Variants in FN3K observed in about 807,000 individuals in gnomAD.
FN3K encodes fructosamine-3-kinase.
Under a neutral mutation model 24.8 loss-of-function variants are expected in FN3K, and 24 were observed. The ratio of observed to expected loss-of-function variants is 0.97; its 90% confidence interval spans 0.70 to 1.36. FN3K has a LOEUF of 1.36. FN3K is among the 40% of genes most tolerant of loss of function. FN3K has a pLI of 0.00. For synonymous variants in FN3K, 192 were observed against 175.2 expected (o/e 1.10, Z -0.76); for missense variants, 449 against 416.7 (o/e 1.08, Z -0.67).
Position 82,750,997 on chromosome 17 carries a change from A to T in FN3K, c.*242A>T. ...CCAATCCCCCTGTCCCCGACCCCCC[A>T]TCCCCGTCCCCCATCTCCGTCCCCG... On this transcript the variant is annotated 3_prime_UTR_variant, in exon 6 of 6. Transcript: ENST00000300784. The T allele has an allele frequency of 1.4e-5, 1 of 71,770 alleles. No individual in the cohort carries two copies. The highest frequency in any genetic ancestry group is 3.4e-4 in the East Asian group (1 of 2,966). The allele number at this position is 71,770 out of a possible 1,614,324, so 4.4% of individuals were successfully genotyped here. A position where few individuals can be genotyped will look rare whatever the true frequency, so the allele number is the denominator to read the frequency against.
intron 2 of FN3K, among the ~76,000 whole-genome samples, chr17:82,738,940 ATATATATT>A (rs904788928): frequency 2.0e-5 from 2 of 102,342 alleles, no homozygotes; most frequent in African/African-American, 4.1e-5. Context: ...ATATATATAT[ATATATATT>A]TTTTTTTTTT....
At chr17:82,742,925 G>A (rs186645482) in intron 4 of FN3K, 20 of 320,982 alleles carry the variant, frequency 6.2e-5, no homozygotes, top group Non-Finnish European at 1.2e-4. Flanking sequence ...CCAGCTGGAG[G>A]TCACCTGGGG....
chr17:82,741,938 G>A (rs1249694051), intron 4 of FN3K, among the ~76,000 whole-genome samples: 2 of 151,682 alleles, frequency 1.3e-5, no homozygotes, highest in Admixed American at 6.6e-5. Context: ...ACGGCATTTT[G>A]CCCTTGTTGC....
chr17:82,746,093 CAAA>C (rs373867732), intron 4 of FN3K, among the ~76,000 whole-genome samples: 2 of 117,782 alleles, frequency 1.7e-5, no homozygotes, highest in Admixed American at 9.3e-5. Context: ...GACTCCGTCT[CAAA>C]AAAAAAAAAA....
chr17:82,744,939 T>G (rs2046960367), intron 4 of FN3K: 2 of 152,228 alleles, frequency 1.3e-5, no homozygotes. Context: ...CCTATCTCAG[T>G]AGATGGAAGG....
intron 4 of FN3K, chr17:82,742,880 C>G: frequency 2.8e-6 from 1 of 361,568 alleles, no homozygotes; most frequent in East Asian, 7.8e-5. Flanking sequence ...GAACAATGAC[C>G]AAGCTCTCCC....
intron 4 of FN3K, among the ~76,000 whole-genome samples, chr17:82,747,541 C>G (rs2046975603): frequency 6.6e-6 from 1 of 152,194 alleles, no homozygotes; most frequent in Non-Finnish European, 1.5e-5. Context: ...GCTGGGACTA[C>G]AGGCATGCAC....
Position 82,738,723 on chromosome 17 carries a change from G to C in FN3K, c.293+83G>C, listed in dbSNP as rs998620201. ...ACAAACAGAGAGAGACAGAGAAAGGGATAGAGATGGGGAGGGAGACAGAAA... is the reference window on the plus strand; with the variant it reads ...ACAAACAGAGAGAGACAGAGAAAGGCATAGAGATGGGGAGGGAGACAGAAA... On this transcript the variant is annotated intron_variant, in intron 2 of 5. Transcript: ENST00000300784. 2.1e-5 allele frequency: 33 copies of C among 1,548,994 alleles called. No individual in the cohort carries two copies. The African/African-American group carries it at 2.9e-4, about 13-fold the overall frequency.
At chr17:82,749,567 G>C (rs2459706) in intron 5 of FN3K, 7 of 170,252 alleles carry the variant, frequency 4.1e-5, no homozygotes, top group African/African-American at 1.7e-4. Flanking sequence ...AGGAGGCTGA[G>C]GCAGGAGAAT....
chr17:82,742,196 C>T (rs1011499686), intron 4 of FN3K, among the ~76,000 whole-genome samples: 4 of 151,970 alleles, frequency 2.6e-5, no homozygotes, highest in East Asian at 1.9e-4. Flanking sequence ...CGAGCCACCG[C>T]GCCTGGACTT....
Position 82,750,500 on chromosome 17 carries a change from G to A in FN3K, c.675G>A (p.Glu225=), listed in dbSNP as rs1280564801. 1.2e-6 allele frequency: 2 copies of A among 1,614,044 alleles called. No homozygotes were observed. The highest frequency in any genetic ancestry group is 2.2e-5 in the East Asian group (1 of 44,900). ...ATCTCTGGTCGGGAAACGTGGCTGA[G>A]GACGACGTGGGGCCCATTATTTACG... The part of the protein sequence containing the change: ...HGDLWSGNVA[E]DDVGPIIYDP... Residue 225 remains glutamate, a synonymous_variant, in exon 6 of 6, where the codon GAG becomes GAA. Coordinates refer to ENST00000300784, the MANE Select transcript of FN3K (RefSeq NM_022158.4).
intron 4 of FN3K, among the ~76,000 whole-genome samples, chr17:82,746,286 A>T (rs2046968279): frequency 6.6e-6 from 1 of 152,094 alleles, no homozygotes; most frequent in Admixed American, 6.6e-5. Context: ...CATTTCCATA[A>T]TGACTGAAGA....
At chr17:82,737,414 C>T (rs370602039) in intron 1 of FN3K, among the ~76,000 whole-genome samples, 3 of 152,094 alleles carry the variant, frequency 2.0e-5, no homozygotes, top group South Asian at 2.1e-4. Context: ...AGCTGCGCCT[C>T]CCGGTTCACT....
intron 3 of FN3K, 147 bp from the exon 4 acceptor site, chr17:82,741,164 A>G (rs1598341423): frequency 6.6e-6 from 5 of 756,354 alleles, no homozygotes; most frequent in Admixed American, 4.0e-5. Context: ...AGATCCATAT[A>G]TTGACTAATT....
At chr17:82,745,858 C>T (rs1289855481) in intron 4 of FN3K, 1 of 152,098 alleles carries the variant, frequency 6.6e-6, no homozygotes, top group Non-Finnish European at 1.5e-5. Context: ...CTTTGGGAGG[C>T]TGAGGCGGGT....
rs1344454434 is a variant in FN3K at position 82,735,623 on chromosome 17, G to A, written c.-14G>A. ...GGGGCTTCCGAGCGAGCAGAGTCCC[G>A]CGCCCCGCACTCCATGGAGCAGCTG... On this transcript the variant is annotated 5_prime_UTR_variant, in exon 1 of 6. Coordinates refer to ENST00000300784, the MANE Select transcript of FN3K (RefSeq NM_022158.4). 1.3e-6 allele frequency: 2 copies of A among 1,510,628 alleles called. No homozygotes were observed. Among genetic ancestry groups the A allele is most frequent in the Admixed American group, 2.0e-5 (1 of 49,042 alleles). The allele number at this position is 1,510,628 out of a possible 1,614,324, so 93.6% of individuals were successfully genotyped here.
intron 4 of FN3K, among the ~76,000 whole-genome samples, chr17:82,741,887 G>T (rs1168496126): frequency 2.0e-5 from 3 of 152,166 alleles, no homozygotes; most frequent in African/African-American, 7.2e-5. Context: ...TTTAACTCCA[G>T]AACATTTTCT....
At position 82,742,869 on chromosome 17, in the gene FN3K, C is replaced by T. The variant is rs536793676; in HGVS notation, c.468+1476C>T. On this transcript the variant is annotated intron_variant, in intron 4 of 5. Transcript: ENST00000300784. ...CCCGTCCTGACTAGTTGGGTCCCTGCGAACAATGACCAAGCTCTCCCTGGT... is the reference window on the plus strand; with the variant it reads ...CCCGTCCTGACTAGTTGGGTCCCTGTGAACAATGACCAAGCTCTCCCTGGT... 209 of 360,260 alleles carry T rather than the reference C, an allele frequency of 5.8e-4. 2 individuals carry two copies. The highest frequency in any genetic ancestry group is 4.1e-3 in the South Asian group (197 of 47,546). 22.3% of individuals were successfully genotyped at this position (360,260 alleles called of 1,614,324 possible). A position where few individuals can be genotyped will look rare whatever the true frequency, so the allele number is the denominator to read the frequency against.
At chr17:82,738,381 G>C in intron 1 of FN3K, 108 bp from the exon 2 acceptor site, 1 of 1,468,848 alleles carries the variant, frequency 6.8e-7, no homozygotes, top group Non-Finnish European at 9.4e-7. Context: ...CCAGCTATCA[G>C]TGAATGAAGG....
Sources: allele counts gnomAD v4.1 joint callset (sites outside exome capture counted in the v4.1 genomes callset), GRCh38; gene constraint gnomAD v4.1.1; transcripts MANE v1.5; gene names NCBI Gene and HGNC (gene_info 2026-07-23, HGNC 2026-07-21).